The following GIGYF2 variants were observed in gnomAD, a reference collection of about 807,000 sequenced individuals.
GIGYF2 encodes GRB10 interacting GYF protein 2, also known as GRB10-interacting GYF protein 2.
A neutral mutation model predicts 208.1 loss-of-function variants in GIGYF2; 25 were observed. The observed-to-expected ratio is 0.12, with a 90% CI of 0.09 to 0.17. The LOEUF is 0.17. Among genes scored for constraint, GIGYF2 ranks in the 10% least tolerant of loss-of-function variants. GIGYF2 has a pLI of 1.00. For synonymous variants in GIGYF2, 534 were observed against 543.8 expected (o/e 0.98, Z 0.25); for missense variants, 1,302 against 1,579.4 (o/e 0.82, Z 2.98).
chr2:232,852,155 T>C (rs915745389), intron 28 of GIGYF2, among the ~76,000 whole-genome samples: 39 of 152,178 alleles, frequency 2.6e-4, no homozygotes, highest in Admixed American at 9.8e-4. Context: ...GTAACCTTAC[T>C]GTACCCTTGG....
chr2:232,745,634 C>A (rs1698123260), intron 3 of GIGYF2, among the ~76,000 whole-genome samples: 2 of 152,034 alleles, frequency 1.3e-5, no homozygotes. Context: ...GGTAACTATA[C>A]CAGGTAGTAT....
Position 232,857,713 on chromosome 2 carries a change from T to C in GIGYF2, c.*853T>C, listed in dbSNP as rs558879718. On this transcript the variant is annotated 3_prime_UTR_variant, in exon 29 of 29. Coordinates refer to ENST00000373563, the MANE Select transcript of GIGYF2 (RefSeq NM_001103146.3). ...CTAGGACCATTTTGTTTTGGGCCCT[T>C]CTGCTGAAAATTTGTCTCGTTTAAG... The C allele has an allele frequency of 1.0e-4, 16 of 152,734 alleles. No individual in the cohort carries two copies. The highest frequency in any genetic ancestry group is 3.8e-4 in the African/African-American group (16 of 41,568). 9.5% of individuals were successfully genotyped at this position (152,734 alleles called of 1,614,324 possible).
At chr2:232,832,735 A>G (rs1254423076) in intron 21 of GIGYF2, 122 bp from the exon 22 acceptor site, 7 of 721,254 alleles carry the variant, frequency 9.7e-6, no homozygotes, top group Non-Finnish European at 1.7e-5. Flanking sequence ...ATCATCATGA[A>G]CAGAGTTTCT....
At chr2:232,799,286 G>A (rs1056371764) in intron 14 of GIGYF2, among the ~76,000 whole-genome samples, 1 of 152,020 alleles carries the variant, frequency 6.6e-6, no homozygotes, top group African/African-American at 2.4e-5. Flanking sequence ...GTTCACGCCT[G>A]TAATTCTGAC....
At chr2:232,852,362 A>C (rs556236220) in intron 28 of GIGYF2, among the ~76,000 whole-genome samples, 1 of 152,140 alleles carries the variant, frequency 6.6e-6, no homozygotes, top group African/African-American at 2.4e-5. Flanking sequence ...CCTGGCCAAC[A>C]TGGTGAAACC....
intron 8 of GIGYF2, chr2:232,766,703 C>G (rs1698977494): frequency 6.6e-6 from 1 of 152,204 alleles, no homozygotes; most frequent in Admixed American, 6.5e-5. Context: ...CTCCAGAGTT[C>G]TTCTTTATTT....
intron 8 of GIGYF2, among the ~76,000 whole-genome samples, chr2:232,779,622 G>A (rs1699643605): frequency 6.6e-6 from 1 of 152,172 alleles, no homozygotes; most frequent in Non-Finnish European, 1.5e-5. Flanking sequence ...ATTTCAGGCA[G>A]CCTCTGGGTA....
intron 16 of GIGYF2, chr2:232,810,335 A>G (rs1700697731): frequency 6.4e-6 from 1 of 156,804 alleles, no homozygotes; most frequent in Non-Finnish European, 1.4e-5. Context: ...CATAACTTTA[A>G]TTTTGTAAGC....
At chr2:232,785,872 A>G (rs1223288835) in intron 8 of GIGYF2, among the ~76,000 whole-genome samples, 1 of 152,246 alleles carries the variant, frequency 6.6e-6, no homozygotes, top group Non-Finnish European at 1.5e-5. Context: ...CACTTTTAGT[A>G]TGGATTAATT....
chr2:232,843,986 T>C (rs1701909784), intron 23 of GIGYF2, 60 bp from the exon 24 acceptor site: 2 of 1,481,528 alleles, frequency 1.3e-6, no homozygotes, highest in Non-Finnish European at 1.9e-6. Flanking sequence ...GTATACTGGA[T>C]ATTTATAACT....
chr2:232,708,703 A>G (rs1696246406), intron 2 of GIGYF2, among the ~76,000 whole-genome samples: 1 of 145,866 alleles, frequency 6.9e-6, no homozygotes, highest in Admixed American at 6.9e-5. Flanking sequence ...GTAGCTGGGC[A>G]TGGTGGCATG....
chr2:232,770,728 A>T (rs113733422), intron 8 of GIGYF2, among the ~76,000 whole-genome samples: 78 of 151,048 alleles, frequency 5.2e-4, no homozygotes, highest in African/African-American at 1.7e-3. Context: ...CATTTCTCCT[A>T]TTTTTTTTGG....
At chr2:232,844,346 A>C in intron 24 of GIGYF2, 23 bp from the exon 25 acceptor site, 1 of 1,612,556 alleles carries the variant, frequency 6.2e-7, no homozygotes, top group Non-Finnish European at 8.5e-7. Context: ...CACGATAATC[A>C]TTTTTCTCTT....
At chr2:232,790,425 A>G (rs1030743698) in intron 9 of GIGYF2, among the ~76,000 whole-genome samples, 5 of 152,218 alleles carry the variant, frequency 3.3e-5, no homozygotes, top group African/African-American at 9.6e-5. Flanking sequence ...CTTGGAATAC[A>G]GTGTCCTTTA....
chr2:232,749,177 T>C, intron 5 of GIGYF2, 95 bp downstream of exon 5: 1 of 773,648 alleles, frequency 1.3e-6, no homozygotes, highest in Non-Finnish European at 2.4e-6. Context: ...AGGATTATCC[T>C]GCATCCTCAT....
At chr2:232,777,658 T>C (rs1699570551) in intron 8 of GIGYF2, among the ~76,000 whole-genome samples, 1 of 147,930 alleles carries the variant, frequency 6.8e-6, no homozygotes, top group Middle Eastern at 3.5e-3. Context: ...ATTCCTTCTT[T>C]GTTTTATTAG....
At chr2:232,753,014 C>T (rs918783515) in intron 5 of GIGYF2, among the ~76,000 whole-genome samples, 1 of 152,040 alleles carries the variant, frequency 6.6e-6, no homozygotes. Flanking sequence ...GTGTCTACAA[C>T]TATCTGTATA....
intron 14 of GIGYF2, among the ~76,000 whole-genome samples, chr2:232,803,995 A>G (rs2106377563): frequency 6.6e-6 from 1 of 152,298 alleles, no homozygotes; most frequent in South Asian, 2.1e-4. Flanking sequence ...TTTGTCCCAT[A>G]GATCACTGTC....
intron 28 of GIGYF2, among the ~76,000 whole-genome samples, chr2:232,853,343 A>G (rs1690430961): frequency 6.6e-6 from 1 of 152,086 alleles, no homozygotes; most frequent in Non-Finnish European, 1.5e-5. Context: ...AGTATCTCCT[A>G]TCTTCAGTAG....
Sources: allele counts gnomAD v4.1 joint callset (sites outside exome capture counted in the v4.1 genomes callset), GRCh38; gene constraint gnomAD v4.1.1; transcripts MANE v1.5; gene names NCBI Gene and HGNC (gene_info 2026-07-23, HGNC 2026-07-21).